ATP6V1H: variants seen among roughly 807,000 people sequenced by gnomAD.
ATP6V1H encodes ATPase H+ transporting V1 subunit H.
Under a neutral mutation model 71.7 loss-of-function variants are expected in ATP6V1H, and 39 were observed. The observed-to-expected ratio is 0.54, with a 90% CI of 0.42 to 0.71. ATP6V1H has a LOEUF of 0.71. Ranked by LOEUF, ATP6V1H falls within the 30% of genes least tolerant of loss-of-function variation. ATP6V1H has a pLI of 0.00. For missense variants in ATP6V1H, 509 were observed against 594.9 expected (o/e 0.86, Z 1.50); for synonymous variants, 192 against 199.3 (o/e 0.96, Z 0.31).
chr8:53,799,177 C>G (rs1467485595), intron 8 of ATP6V1H, among the ~76,000 whole-genome samples: 2 of 151,906 alleles, frequency 1.3e-5, no homozygotes, highest in Non-Finnish European at 2.9e-5. Flanking sequence ...TTAATTCTGC[C>G]AAACAATTCT....
At chr8:53,842,236 C>T (rs748695634) in intron 1 of ATP6V1H, among the ~76,000 whole-genome samples, 2 of 152,210 alleles carry the variant, frequency 1.3e-5, no homozygotes, top group Non-Finnish European at 2.9e-5. Flanking sequence ...TCTTAGAAGA[C>T]AGTGCTTTCC....
At chr8:53,727,093 A>C (rs1418994579) in intron 13 of ATP6V1H, among the ~76,000 whole-genome samples, 1 of 152,218 alleles carries the variant, frequency 6.6e-6, no homozygotes, top group Non-Finnish European at 1.5e-5. Context: ...GAGTATCGGC[A>C]GGAAAGTTTT....
chr8:53,766,325 T>C (rs1487754896), intron 11 of ATP6V1H, among the ~76,000 whole-genome samples: 2 of 152,254 alleles, frequency 1.3e-5, no homozygotes, highest in Admixed American at 1.3e-4. Flanking sequence ...TCAATACCCT[T>C]GTGATTTCCT....
intron 8 of ATP6V1H, among the ~76,000 whole-genome samples, chr8:53,800,308 G>A (rs1197692292): frequency 2.0e-5 from 3 of 152,190 alleles, no homozygotes; most frequent in African/African-American, 7.2e-5. Context: ...TATATGCTAT[G>A]TCTGTGAGTC....
At chr8:53,765,476 C>T (rs1306785788) in intron 11 of ATP6V1H, among the ~76,000 whole-genome samples, 1 of 145,052 alleles carries the variant, frequency 6.9e-6, no homozygotes, top group East Asian at 2.0e-4. Context: ...CACACACACA[C>T]ACACACACAC....
intron 11 of ATP6V1H, among the ~76,000 whole-genome samples, chr8:53,757,669 T>C (rs772365444): frequency 9.2e-5 from 14 of 152,202 alleles, no homozygotes; most frequent in Non-Finnish European, 1.8e-4. Context: ...CAAACTTAAA[T>C]TAGCCAACTG....
chr8:53,771,389 G>A (rs1488055397), intron 10 of ATP6V1H, among the ~76,000 whole-genome samples: 2 of 152,224 alleles, frequency 1.3e-5, no homozygotes, highest in South Asian at 2.1e-4. Flanking sequence ...AAAAGAACAA[G>A]ATCCAAAAGA....
At chr8:53,823,490 G>T (rs539103635) in intron 4 of ATP6V1H, among the ~76,000 whole-genome samples, 1 of 152,122 alleles carries the variant, frequency 6.6e-6, no homozygotes, top group East Asian at 1.9e-4. Context: ...TTTTTGGGGG[G>T]GCGGGGGAGA....
At chr8:53,812,596 T>G (rs936063863) in intron 6 of ATP6V1H, among the ~76,000 whole-genome samples, 1 of 152,238 alleles carries the variant, frequency 6.6e-6, no homozygotes, top group Non-Finnish European at 1.5e-5. Flanking sequence ...GCATCCATTC[T>G]TCCCTACCAA....
chr8:53,819,726 T>C (rs934788120), intron 4 of ATP6V1H, among the ~76,000 whole-genome samples: 6 of 141,248 alleles, frequency 4.2e-5, no homozygotes, highest in South Asian at 2.2e-4. Context: ...ATACTTTGTA[T>C]ATATATAGTA....
intron 13 of ATP6V1H, among the ~76,000 whole-genome samples, chr8:53,719,306 G>T (rs10104229): frequency 0.072 from 10,970 of 152,162 alleles, 544 homozygotes; most frequent in Non-Finnish European, 0.11. Flanking sequence ...GAGTAGCTGG[G>T]ATTACAGGCA....
intron 11 of ATP6V1H, among the ~76,000 whole-genome samples, chr8:53,767,331 G>C (rs1157280490): frequency 3.9e-5 from 6 of 152,104 alleles, no homozygotes; most frequent in Non-Finnish European, 8.8e-5. Flanking sequence ...TGGAGGTAGA[G>C]GTAGCATATG....
chr8:53,771,828 T>C (rs1808669325), intron 10 of ATP6V1H, among the ~76,000 whole-genome samples, 161 bp downstream of exon 10: 1 of 152,212 alleles, frequency 6.6e-6, no homozygotes, highest in Non-Finnish European at 1.5e-5. Flanking sequence ...TGACCAATTG[T>C]TGCCATGTCA....
intron 13 of ATP6V1H, among the ~76,000 whole-genome samples, chr8:53,735,081 CA>C (rs1287860960): frequency 6.6e-6 from 1 of 152,180 alleles, no homozygotes; most frequent in Non-Finnish European, 1.5e-5. Context: ...GCCAGCAGCA[CA>C]ATGCGAGGCA....
chr8:53,811,305 T>C (rs931729119), intron 6 of ATP6V1H, 88 bp from the exon 7 acceptor site: 1 of 1,074,518 alleles, frequency 9.3e-7, no homozygotes, highest in South Asian at 1.4e-5. Context: ...AGCAAACTTT[T>C]CCCCTAATTC....
intron 4 of ATP6V1H, among the ~76,000 whole-genome samples, chr8:53,824,405 T>G (rs1034007147): frequency 6.6e-6 from 1 of 151,768 alleles, no homozygotes; most frequent in Non-Finnish European, 1.5e-5. Context: ...CTAAACCAAA[T>G]GAAGAAAACA....
At chr8:53,746,625 C>T (rs1807612677) in intron 12 of ATP6V1H, among the ~76,000 whole-genome samples, 1 of 152,196 alleles carries the variant, frequency 6.6e-6, no homozygotes, top group South Asian at 2.1e-4. Flanking sequence ...ACCCCAGAGC[C>T]CAGTGGGTCT....
intron 9 of ATP6V1H, among the ~76,000 whole-genome samples, chr8:53,784,310 T>C (rs567358122): frequency 1.4e-4 from 21 of 152,242 alleles, no homozygotes; most frequent in Non-Finnish European, 2.6e-4. Flanking sequence ...CTTGTCTCTT[T>C]TGATCTTTGT....
intron 12 of ATP6V1H, among the ~76,000 whole-genome samples, chr8:53,749,839 C>G (rs1284254402): frequency 6.6e-6 from 1 of 151,924 alleles, no homozygotes; most frequent in Non-Finnish European, 1.5e-5. Context: ...GAACAACATT[C>G]ATTATGCCAG....
Sources: allele counts gnomAD v4.1 joint callset (sites outside exome capture counted in the v4.1 genomes callset), GRCh38; gene constraint gnomAD v4.1.1; transcripts MANE v1.5; gene names NCBI Gene and HGNC (gene_info 2026-07-23, HGNC 2026-07-21).